The following SLC24A4 variants were observed in gnomAD, a reference collection of about 807,000 sequenced individuals.
SLC24A4 encodes sodium/potassium/calcium exchanger 4.
A neutral mutation model predicts 79.0 loss-of-function variants in SLC24A4; 53 were observed. The observed-to-expected ratio is 0.67, with a 90% CI of 0.54 to 0.84. SLC24A4 has a LOEUF of 0.84. Among genes scored for constraint, SLC24A4 ranks in the 40% least tolerant of loss-of-function variants. SLC24A4 has a pLI of 0.00. For synonymous variants in SLC24A4, 323 were observed against 323.8 expected (o/e 1.00, Z 0.03); for missense variants, 731 against 822.0 (o/e 0.89, Z 1.35).
Position 92,482,752 on chromosome 14 carries a change from A to G in SLC24A4, c.1328A>G (p.Asn443Ser). The change falls in exon 13 of 17, where the codon AAC (asparagine) becomes AGC (serine). Residue 443 changes from asparagine (N) to serine (S), a missense_variant. Coordinates refer to ENST00000532405, the MANE Select transcript of SLC24A4 (RefSeq NM_153646.4). ...TTCCTCCTGTGCGTCACCATTCCCA[A>G]CTGCAGCAAGCCCCGCTGGGAGAAG... ...LIFLLCVTIP[N>S]CSKPRWEKFF... 6.2e-7 allele frequency: 1 copy of G among 1,613,828 alleles called. No homozygotes were observed. Among genetic ancestry groups the G allele is most frequent in the Non-Finnish European group, 8.5e-7 (1 of 1,179,942 alleles).
intron 2 of SLC24A4, among the ~76,000 whole-genome samples, chr14:92,329,596 C>T (rs1324055086): frequency 6.6e-6 from 1 of 152,214 alleles, no homozygotes; most frequent in African/African-American, 2.4e-5. Context: ...GATTATGTCT[C>T]ATGGCAGCCT....
intron 2 of SLC24A4, among the ~76,000 whole-genome samples, chr14:92,410,223 C>T (rs976359744): frequency 7.2e-5 from 11 of 152,136 alleles, no homozygotes; most frequent in African/African-American, 2.4e-4. Context: ...ACTCTGTCAC[C>T]CAGGCTGGAG....
rs1237183471 is a variant in SLC24A4 at position 92,353,701 on chromosome 14, G to A, written c.241+27723G>A. 6.6e-6 allele frequency among the ~76,000 whole-genome samples: 1 copy of A among 152,150 alleles called. No homozygotes were observed. Among genetic ancestry groups the A allele is most frequent in the African/African-American group, 2.4e-5 (1 of 41,408 alleles). On this transcript the variant is annotated intron_variant, in intron 2 of 16. Transcript: ENST00000532405. This position sits in a 1 kb window ranked among gnomAD's most constrained non-coding sequence, Gnocchi z 4.1. ...CTGCTTGCTCTTCGTGTCCTTTTCTGTGTAGGCATTTAATCAGCTGTACCC... is the reference window on the plus strand; with the variant it reads ...CTGCTTGCTCTTCGTGTCCTTTTCTATGTAGGCATTTAATCAGCTGTACCC...
intron 2 of SLC24A4, among the ~76,000 whole-genome samples, chr14:92,370,874 G>C (rs1447704980): frequency 1.3e-5 from 2 of 152,180 alleles, no homozygotes; most frequent in Non-Finnish European, 2.9e-5. Context: ...AAAGGATCTA[G>C]AACCGGAGCG....
chr14:92,325,453 C>A (rs866434344), intron 1 of SLC24A4, among the ~76,000 whole-genome samples: 1 of 152,228 alleles, frequency 6.6e-6, no homozygotes, highest in Non-Finnish European at 1.5e-5. Flanking sequence ...GTGTGAGGAG[C>A]ACTGGGCCAG....
In SLC24A4 at chr14:92,398,388, C is replaced by CA. The variant is rs1346690862; in HGVS notation, c.242-35523dup. 5.9e-5 allele frequency among the ~76,000 whole-genome samples: 9 copies of CA among 152,110 alleles called. No individual in the cohort carries two copies. The highest frequency in any genetic ancestry group is 2.2e-4 in the African/African-American group (9 of 41,414). On this transcript the variant is annotated intron_variant, in intron 2 of 16. Coordinates refer to ENST00000532405, the MANE Select transcript of SLC24A4 (RefSeq NM_153646.4). This position sits in a 1 kb window ranked among gnomAD's most constrained non-coding sequence, Gnocchi z 4.1. ...GGCTGGTGGGCGGAGCAAGCATCCACACAGAGTGTTGGAGAAGTGGGCATG... is the reference window on the plus strand; with the variant it reads ...GGCTGGTGGGCGGAGCAAGCATCCACAACAGAGTGTTGGAGAAGTGGGCATG...
At chr14:92,443,798 G>T (rs547384404) in intron 7 of SLC24A4, among the ~76,000 whole-genome samples, 1 of 152,306 alleles carries the variant, frequency 6.6e-6, no homozygotes, top group Admixed American at 6.5e-5. Context: ...TGTAGTTAAG[G>T]CCTTAGCCAG....
chr14:92,480,130 C>A (rs181158988), intron 12 of SLC24A4, among the ~76,000 whole-genome samples: 8 of 91,846 alleles, frequency 8.7e-5, no homozygotes, highest in African/African-American at 2.7e-4. Context: ...CTTTCAATTT[C>A]TTTGATTCTT....
chr14:92,357,189 C>A (rs1271692217), intron 2 of SLC24A4, among the ~76,000 whole-genome samples: 2 of 152,184 alleles, frequency 1.3e-5, no homozygotes, highest in African/African-American at 4.8e-5. Context: ...GGATTAGGGT[C>A]ATCTGTGGCC....
At chr14:92,469,489 C>A (rs544210219) in intron 12 of SLC24A4, among the ~76,000 whole-genome samples, 13 of 139,314 alleles carry the variant, frequency 9.3e-5, no homozygotes, top group African/African-American at 3.4e-4. Context: ...AGCCTGGGCA[C>A]GGAGTGAGAC....
chr14:92,427,074 T>C (rs1891603009), intron 2 of SLC24A4, among the ~76,000 whole-genome samples: 1 of 152,218 alleles, frequency 6.6e-6, no homozygotes, highest in Non-Finnish European at 1.5e-5. Context: ...AACGAGCAGC[T>C]CACAGAAAGC....
At chr14:92,434,265 C>T (rs1177015957) in intron 3 of SLC24A4, among the ~76,000 whole-genome samples, 1 of 152,108 alleles carries the variant, frequency 6.6e-6, no homozygotes, top group Non-Finnish European at 1.5e-5. Flanking sequence ...ATGATGGTAC[C>T]TATTACAGAG....
At chr14:92,409,365 A>C (rs1890577851) in intron 2 of SLC24A4, among the ~76,000 whole-genome samples, 1 of 152,220 alleles carries the variant, frequency 6.6e-6, no homozygotes, top group South Asian at 2.1e-4. Flanking sequence ...GAGTTTCTGA[A>C]GCGTAGTGAC....
intron 9 of SLC24A4, among the ~76,000 whole-genome samples, chr14:92,448,345 T>TACATAC (rs1055945349): frequency 1.5e-5 from 2 of 132,058 alleles, no homozygotes; most frequent in East Asian, 4.4e-4. Flanking sequence ...TCCCACTACA[T>TACATAC]ACACACACAC....
intron 2 of SLC24A4, among the ~76,000 whole-genome samples, chr14:92,425,805 C>T (rs1891531390): frequency 6.6e-6 from 1 of 152,064 alleles, no homozygotes; most frequent in Non-Finnish European, 1.5e-5. Context: ...CATAGTGATA[C>T]CCAGTCTCTA....
chr14:92,456,937 GCAGTC>G (rs777187749), intron 12 of SLC24A4, among the ~76,000 whole-genome samples: 19 of 152,298 alleles, frequency 1.2e-4, no homozygotes, highest in Non-Finnish European at 2.4e-4. Flanking sequence ...CCAAGGAAAA[GCAGTC>G]CACAGTGTTA....
intron 2 of SLC24A4, among the ~76,000 whole-genome samples, chr14:92,361,163 A>T (rs1471134897): frequency 1.6e-4 from 24 of 151,932 alleles, no homozygotes; most frequent in Non-Finnish European, 4.4e-5. Flanking sequence ...TGCAGTTGGC[A>T]TCATTCCCCA....
At chr14:92,432,742 T>C (rs1891945736) in intron 2 of SLC24A4, among the ~76,000 whole-genome samples, 1 of 152,238 alleles carries the variant, frequency 6.6e-6, no homozygotes, top group Admixed American at 6.5e-5. Context: ...GGGGAGCTGG[T>C]GTTTTCTGTG....
Position 92,323,318 on chromosome 14 carries a change from C to G in SLC24A4, c.-513C>G, listed in dbSNP as rs1290257500. 6.6e-6 allele frequency: 1 copy of G among 152,018 alleles called. No individual in the cohort carries two copies. Among genetic ancestry groups the G allele is most frequent in the Non-Finnish European group, 1.5e-5 (1 of 67,978 alleles). The allele number at this position is 152,018 out of a possible 1,614,324, so 9.4% of individuals were successfully genotyped here. A position where few individuals can be genotyped will look rare whatever the true frequency, so the allele number is the denominator to read the frequency against. The stretch of plus-strand genomic sequence containing the variant: ...CGGCGCGCACTCGGCCGCCCGGGCT[C>G]GGCTCGTCGGGAAGCAGGGGAACAT... On this transcript the variant is annotated 5_prime_UTR_variant, in exon 1 of 17. Coordinates refer to ENST00000532405, the MANE Select transcript of SLC24A4 (RefSeq NM_153646.4). This position sits in a 1 kb window ranked among gnomAD's most constrained non-coding sequence, Gnocchi z 4.9.
Sources: allele counts gnomAD v4.1 joint callset (sites outside exome capture counted in the v4.1 genomes callset), GRCh38; gene constraint gnomAD v4.1.1; non-coding constraint Gnocchi (gnomAD v3.1); transcripts MANE v1.5; gene names NCBI Gene and HGNC (gene_info 2026-07-23, HGNC 2026-07-21).